The following RIMBP2 variants were observed in gnomAD, a reference collection of about 807,000 sequenced individuals.
RIMBP2 encodes the protein RIMS binding protein 2.
In RIMBP2, 48 loss-of-function variants were observed where a neutral mutation model predicts 118.6. The observed-to-expected ratio is 0.40, with a 90% CI of 0.32 to 0.51. RIMBP2 has a LOEUF of 0.51. RIMBP2 is among the 20% of genes least tolerant of loss of function. RIMBP2 has a pLI of 0.41. For synonymous variants in RIMBP2, 762 were observed against 742.9 expected, an observed-to-expected ratio of 1.03 and a Z score of -0.42; for missense variants, 1,551 against 1,768.3, an observed-to-expected ratio of 0.88 and a Z score of 2.20.
At chr12:130,487,017 T>G (rs1003437887) in intron 4 of RIMBP2, among the ~76,000 whole-genome samples, 1 of 152,296 alleles carries the variant, frequency 6.6e-6, no homozygotes, top group African/African-American at 2.4e-5. Context: ...AAATCCAGAC[T>G]CCTGGCTGCA....
At chr12:130,501,302 C>T (rs7971716) in intron 4 of RIMBP2, among the ~76,000 whole-genome samples, 111,248 of 151,920 alleles carry the variant, frequency 0.73, 41,900 homozygotes, top group East Asian at 0.86. Flanking sequence ...TTTTTCTGTG[C>T]GGCCACTGGA....
chr12:130,683,469 T>C lies in RIMBP2; in HGVS notation c.-352+32753A>G, dbSNP rs368663368. 6.6e-6 allele frequency among the ~76,000 whole-genome samples: 1 copy of C among 152,176 alleles called. No homozygotes were observed. The highest frequency in any genetic ancestry group is 2.1e-4 in the South Asian group (1 of 4,828). The stretch of plus-strand genomic sequence containing the variant: ...TAGGAAATAAATTCTCTGGTGGTAT[T>C]GTCAGAGGCATGTGAACCAGAGCAA... On this transcript the variant is annotated intron_variant, in intron 1 of 22. Coordinates refer to ENST00000690449, the MANE Select transcript of RIMBP2 (RefSeq NM_001393629.1). The surrounding 1 kb of genome is among the most constrained non-coding windows in gnomAD (Gnocchi z 4.4).
At chr12:130,553,181 T>C (rs1301247545) in intron 2 of RIMBP2, among the ~76,000 whole-genome samples, 3 of 143,058 alleles carry the variant, frequency 2.1e-5, no homozygotes, top group African/African-American at 5.2e-5. Context: ...GAAAAGAAAA[T>C]AGGACAGATC....
At chr12:130,715,504 C>T (rs1044690930) in intron 1 of RIMBP2, among the ~76,000 whole-genome samples, 1 of 152,224 alleles carries the variant, frequency 6.6e-6, no homozygotes, top group Non-Finnish European at 1.5e-5. Context: ...GTCCCGTACG[C>T]GCTGCCTTTC....
intron 8 of RIMBP2, among the ~76,000 whole-genome samples, 155 bp downstream of exon 8, chr12:130,451,040 T>C (rs1329584124): frequency 1.3e-5 from 2 of 151,970 alleles, no homozygotes; most frequent in African/African-American, 2.4e-5. Flanking sequence ...CAGCACATAG[T>C]AGGGCAAGGG....
At chr12:130,508,498 A>C (rs1593578422) in intron 3 of RIMBP2, among the ~76,000 whole-genome samples, 1 of 151,040 alleles carries the variant, frequency 6.6e-6, no homozygotes, top group African/African-American at 2.4e-5. Flanking sequence ...GCAGATCTCT[A>C]CCCGGCCCTG....
At chr12:130,497,165 C>G (rs2049263319) in intron 4 of RIMBP2, among the ~76,000 whole-genome samples, 1 of 152,222 alleles carries the variant, frequency 6.6e-6, no homozygotes, top group Non-Finnish European at 1.5e-5. Flanking sequence ...AGGGCCCTCC[C>G]TGATGTGCGA....
chr12:130,399,054 C>A (rs1264940392), intron 22 of RIMBP2: 1 of 882,106 alleles, frequency 1.1e-6, no homozygotes, highest in Non-Finnish European at 1.6e-6. Flanking sequence ...GTCTACCACA[C>A]TGGCCCGGTT....
rs1015578952 is a variant in RIMBP2 at position 130,623,452 on chromosome 12, C to T, written c.-217+4870G>A. Among the ~76,000 whole-genome samples, 5 of 151,636 alleles carry T rather than the reference C, an allele frequency of 3.3e-5. No individual in the cohort carries two copies. Among genetic ancestry groups the T allele is most frequent in the African/African-American group, 1.2e-4 (5 of 41,290 alleles). ...GTAGAGGCACATTTGCACAGATTCT[C>T]GAGTAATGTACACAGGTAGCATGGA... On this transcript the variant is annotated intron_variant, in intron 2 of 22. Coordinates refer to ENST00000690449, the MANE Select transcript of RIMBP2 (RefSeq NM_001393629.1). The surrounding 1 kb of genome is among the most constrained non-coding windows in gnomAD (Gnocchi z 4.1).
intron 11 of RIMBP2, among the ~76,000 whole-genome samples, chr12:130,440,043 C>G (rs895183333): frequency 8.6e-5 from 13 of 151,812 alleles, no homozygotes; most frequent in Admixed American, 2.0e-4. Context: ...TGAAGAACAC[C>G]AACCTTGCAC....
chr12:130,468,204 C>T (rs902795544), intron 6 of RIMBP2, among the ~76,000 whole-genome samples: 2 of 152,190 alleles, frequency 1.3e-5, no homozygotes, highest in Non-Finnish European at 2.9e-5. Context: ...AAAGTGCTCA[C>T]CCTGCAAAGG....
At chr12:130,414,073 C>A (rs2075943029) in intron 18 of RIMBP2, 52 bp downstream of exon 18, 32 of 1,588,030 alleles carry the variant, frequency 2.0e-5, no homozygotes, top group Non-Finnish European at 2.8e-5. Flanking sequence ...CCCCCATGAC[C>A]CAGACCCGCC....
chr12:130,476,258 G>A (rs1013545910), intron 5 of RIMBP2, among the ~76,000 whole-genome samples: 3 of 152,232 alleles, frequency 2.0e-5, no homozygotes, highest in Non-Finnish European at 4.4e-5. Context: ...CTTGTTGGGG[G>A]TGGGGTCCCG....
At chr12:130,652,473 C>T (rs2063267869) in intron 1 of RIMBP2, among the ~76,000 whole-genome samples, 2 of 152,280 alleles carry the variant, frequency 1.3e-5, no homozygotes, top group South Asian at 4.1e-4. Context: ...GGTGCCCTCA[C>T]TTTTTCATCT....
intron 2 of RIMBP2, among the ~76,000 whole-genome samples, chr12:130,608,516 C>T (rs1157403945): frequency 6.6e-6 from 1 of 152,202 alleles, no homozygotes; most frequent in Admixed American, 6.5e-5. Context: ...AGGGAAGTCT[C>T]AGCTCCCCAG....
At chr12:130,539,320 A>G (rs907820739) in intron 2 of RIMBP2, among the ~76,000 whole-genome samples, 13 of 152,246 alleles carry the variant, frequency 8.5e-5, no homozygotes, top group Non-Finnish European at 1.8e-4. Context: ...GAACAGTGTC[A>G]GTGAATGGGA....
intron 2 of RIMBP2, among the ~76,000 whole-genome samples, chr12:130,556,388 T>C (rs891114998): frequency 4.6e-5 from 7 of 152,254 alleles, no homozygotes; most frequent in African/African-American, 1.7e-4. Context: ...TCTTACCATT[T>C]GTCTAAGATA....
rs970559990 is a variant in RIMBP2 at position 130,578,844 on chromosome 12, G to A, written c.-217+49478C>T. 6.6e-6 allele frequency among the ~76,000 whole-genome samples: 1 copy of A among 152,194 alleles called. No homozygotes were observed. Among genetic ancestry groups the A allele is most frequent in the Non-Finnish European group, 1.5e-5 (1 of 68,042 alleles). ...TCAGAAAGGCTTGGATTTATAAGAT[G>A]TGCACCAAACATAACTAATGCTCCC... On this transcript the variant is annotated intron_variant, in intron 2 of 22. Coordinates refer to ENST00000690449, the MANE Select transcript of RIMBP2 (RefSeq NM_001393629.1). This position sits in a 1 kb window ranked among gnomAD's most constrained non-coding sequence, Gnocchi z 4.1.
intron 6 of RIMBP2, among the ~76,000 whole-genome samples, chr12:130,457,684 G>T (rs2079569472): frequency 6.6e-6 from 1 of 152,208 alleles, no homozygotes; most frequent in Non-Finnish European, 1.5e-5. Context: ...TTCGTTTCTT[G>T]TCGGTGTCCA....
Sources: gnomAD v4.1 joint callset for allele counts (sites outside exome capture counted in the v4.1 genomes callset) on GRCh38, gnomAD v4.1.1 for gene constraint, Gnocchi (gnomAD v3.1) non-coding constraint, MANE v1.5 for transcripts, NCBI Gene and HGNC (gene_info 2026-07-23, HGNC 2026-07-21) for gene names.